The following ZC3H14 variants were observed in gnomAD, a reference collection of about 807,000 sequenced individuals.
ZC3H14 encodes zinc finger CCCH-type containing 14.
A neutral mutation model predicts 92.4 loss-of-function variants in ZC3H14; 31 were observed. That is an observed-to-expected ratio of 0.34 (90% CI 0.25 to 0.45). The LOEUF (loss-of-function observed/expected upper bound fraction) is 0.45. Among genes scored for constraint, ZC3H14 ranks in the 20% least tolerant of loss-of-function variants. ZC3H14 has a pLI of 1.00. For missense variants in ZC3H14, 781 were observed against 897.3 expected, an observed-to-expected ratio of 0.87 and a Z score of 1.66; for synonymous variants, 321 against 300.9, an observed-to-expected ratio of 1.07 and a Z score of -0.69.
At chr14:88,567,816 A>C (rs1384475931) in intron 2 of ZC3H14, 3 of 579,334 alleles carry the variant, frequency 5.2e-6, no homozygotes, top group Non-Finnish European at 6.4e-6. Context: ...CAGAATGTTT[A>C]GTTTTGTAAG....
rs748726565 is a variant in ZC3H14, at chr14:88,624,992, C to G, written c.*13241C>G. The G allele has an allele frequency of 6.2e-7, 1 of 1,613,512 alleles. No individual in the cohort carries two copies. The highest frequency in any genetic ancestry group is 1.3e-5 in the African/African-American group (1 of 74,902). ...CACGGCCTTTCCTTTCCCCCAGTCA[C>G]GATAAGTCCATCTCGCAGGGTGGTG... On this transcript the variant is annotated 3_prime_UTR_variant, in exon 17 of 17. Coordinates refer to ENST00000251038, the MANE Select transcript of ZC3H14 (RefSeq NM_024824.5).
In ZC3H14 at chr14:88,623,901, A is replaced by G. The variant is rs2089499184; in HGVS notation, c.*12150A>G. The G allele has an allele frequency of 6.6e-6, 1 of 152,166 alleles. No homozygotes were observed. The highest frequency in any genetic ancestry group is 6.5e-5 in the Admixed American group (1 of 15,274). 9.4% of individuals were successfully genotyped at this position (152,166 alleles called of 1,614,324 possible). A position where few individuals can be genotyped will look rare whatever the true frequency, so the allele number is the denominator to read the frequency against. On this transcript the variant is annotated 3_prime_UTR_variant, in exon 17 of 17. Transcript: ENST00000251038. ...ATTTTATTCCTGGAAGGGCTGAAAA[A>G]TGTATTCCTTCCTTTTCTGCTAGAT... is the stretch of plus-strand genomic sequence containing the variant.
chr14:88,583,631 T>G (rs1464892582), intron 9 of ZC3H14, among the ~76,000 whole-genome samples: 1 of 152,202 alleles, frequency 6.6e-6, no homozygotes, highest in African/African-American at 2.4e-5. Flanking sequence ...TTTTGTCTTT[T>G]AATCCTTTTT....
chr14:88,580,957 A>G (rs2081839963), intron 9 of ZC3H14, among the ~76,000 whole-genome samples: 1 of 152,224 alleles, frequency 6.6e-6, no homozygotes, highest in Admixed American at 6.5e-5. Context: ...ATGTGAGCCA[A>G]GAATTTAATG....
At position 88,610,957 on chromosome 14, in the gene ZC3H14, G is replaced by A. The variant is rs369215626; in HGVS notation, c.2204+17G>A. ...TCAAACCAGGTAAACATTCAAATTC[G>A]TTTTTCTCATGTCAGTTCAAATTCT... On this transcript the variant is annotated intron_variant, in intron 16 of 16. Transcript: ENST00000251038. The A allele has an allele frequency of 1.5e-5, 24 of 1,567,200 alleles. No homozygotes were observed. In the Middle Eastern group the frequency reaches 5.1e-4, roughly 33 times the overall value.
rs772212276 is a variant in ZC3H14, at chr14:88,597,271, C to T, written c.1354+463C>T. Reference sequence around the variant, plus strand: ...AGAGCCACTCTAGTTTGCCTGTCTCCTTTCCTCTCCCCACAGACACACATG... The same window carrying T: ...AGAGCCACTCTAGTTTGCCTGTCTCTTTTCCTCTCCCCACAGACACACATG... On this transcript the variant is annotated intron_variant, in intron 10 of 16. Transcript: ENST00000251038. 9.2e-5 allele frequency among the ~76,000 whole-genome samples: 14 copies of T among 152,288 alleles called. No homozygotes were observed. In the East Asian group the frequency reaches 2.3e-3, roughly 25 times the overall value.
chr14:88,609,461 A>C, intron 14 of ZC3H14, 58 bp downstream of exon 14: 1 of 1,610,102 alleles, frequency 6.2e-7, no homozygotes, highest in Non-Finnish European at 8.5e-7. Context: ...GCATTTTGTG[A>C]CTGTAAATGG....
chr14:88,587,247 C>T (rs1285259640), intron 9 of ZC3H14, among the ~76,000 whole-genome samples: 1 of 151,748 alleles, frequency 6.6e-6, no homozygotes, highest in East Asian at 1.9e-4. Flanking sequence ...ACTGCAACCT[C>T]TGCCTCCTGG....
At position 88,618,634 on chromosome 14, in the gene ZC3H14, A is replaced by G. The variant is rs992763832; in HGVS notation, c.*6883A>G. The stretch of plus-strand genomic sequence containing the variant: ...AGAAGAACTTGCCACCTGGGTATAC[A>G]GTATTGGTACTGTACCTGGAGATAA... On this transcript the variant is annotated 3_prime_UTR_variant, in exon 17 of 17. Transcript: ENST00000251038. The G allele has an allele frequency of 1.9e-6, 3 of 1,598,140 alleles. No individual in the cohort carries two copies. The highest frequency in any genetic ancestry group is 1.8e-5 in the Admixed American group (1 of 56,832).
intron 12 of ZC3H14, among the ~76,000 whole-genome samples, chr14:88,605,707 G>A (rs897793053): frequency 6.6e-6 from 1 of 152,184 alleles, no homozygotes; most frequent in Non-Finnish European, 1.5e-5. Context: ...AGTCATAATT[G>A]CTCTTTGATG....
intron 9 of ZC3H14, among the ~76,000 whole-genome samples, chr14:88,578,836 T>G (rs1255498709): frequency 7.4e-6 from 1 of 135,274 alleles, no homozygotes; most frequent in African/African-American, 2.7e-5. Flanking sequence ...CCCCAATTCC[T>G]ATACAATCTT....
In ZC3H14 at chr14:88,563,631, G is replaced by A; in HGVS notation, c.37-20G>A. 6.2e-7 allele frequency: 1 copy of A among 1,613,948 alleles called. No individual in the cohort carries two copies. Among genetic ancestry groups the A allele is most frequent in the African/African-American group, 1.3e-5 (1 of 75,062 alleles). ...CTAGAGCCGCCTTTCTCACATGCAC[G>A]TTTGCTCTTTTTCTCTCAGAGTGCC... is the stretch of plus-strand genomic sequence containing the variant. On this transcript the variant is annotated intron_variant, in intron 1 of 16. Coordinates refer to ENST00000251038, the MANE Select transcript of ZC3H14 (RefSeq NM_024824.5).
At chr14:88,583,159 G>T (rs563639882) in intron 9 of ZC3H14, among the ~76,000 whole-genome samples, 1 of 147,374 alleles carries the variant, frequency 6.8e-6, no homozygotes, top group Non-Finnish European at 1.5e-5. Context: ...TAAGAGGCGA[G>T]GTCTCACTGT....
chr14:88,602,696 C>A (rs1249229209), intron 11 of ZC3H14, 132 bp from the exon 12 acceptor site: 4 of 923,722 alleles, frequency 4.3e-6, no homozygotes, highest in East Asian at 2.6e-5. Flanking sequence ...ACCTGGTAGC[C>A]CTACCTAGTC....
At chr14:88,606,812 A>G (rs2085489578) in intron 12 of ZC3H14, among the ~76,000 whole-genome samples, 1 of 151,218 alleles carries the variant, frequency 6.6e-6, no homozygotes, top group African/African-American at 2.4e-5. Context: ...CTTACAGCTC[A>G]GCAGGTGGGA....
In ZC3H14 at chr14:88,575,857, C is replaced by T; in HGVS notation, c.1040C>T (p.Ser347Phe). The change falls in exon 8 of 17, where the codon TCT becomes TTT. Residue 347 changes from serine (S) to phenylalanine (F), a missense_variant. Around this residue, in one of 3 missense-constraint regions of ZC3H14, gnomAD observed 454 missense variants for 438.5 expected, o/e 1.04. Coordinates refer to ENST00000251038, the MANE Select transcript of ZC3H14 (RefSeq NM_024824.5). Reference protein sequence around the residue: ...KPERRPSLPPSKQANKNLILK... With the variant: ...KPERRPSLPPFKQANKNLILK... ...TCTTTTAGACCTTCTCTTCCACCTTCTAAACAAGCTAACAAGAATCTGATT... is the reference window on the plus strand; with the variant it reads ...TCTTTTAGACCTTCTCTTCCACCTTTTAAACAAGCTAACAAGAATCTGATT... 1 of 1,613,692 alleles carries T rather than the reference C, an allele frequency of 6.2e-7. No individual in the cohort carries two copies. The highest frequency in any genetic ancestry group is 8.5e-7 in the Non-Finnish European group (1 of 1,179,840).
At chr14:88,597,236 C>T (rs748275346) in intron 10 of ZC3H14, among the ~76,000 whole-genome samples, 2 of 152,108 alleles carry the variant, frequency 1.3e-5, no homozygotes, top group South Asian at 4.1e-4. Context: ...ACTTGTTGTT[C>T]TAGTGTTCTA....
intron 9 of ZC3H14, chr14:88,589,559 G>T (rs1007271956): frequency 6.6e-6 from 1 of 152,130 alleles, no homozygotes; most frequent in Non-Finnish European, 1.5e-5. Flanking sequence ...TCTTGGAGGT[G>T]TAATAAATCA....
rs923151700 is a variant in ZC3H14, at chr14:88,620,205, A to C, written c.*8454A>C. ...AGCTTTTGACAGACCTAGATTCAAT[A>C]ATCTTATCTACTGATCACACGGAAG... is the stretch of plus-strand genomic sequence containing the variant. On this transcript the variant is annotated 3_prime_UTR_variant, in exon 17 of 17. Transcript: ENST00000251038. The surrounding 1 kb of genome is among the most constrained non-coding windows in gnomAD (Gnocchi z 4.3). The C allele has an allele frequency of 6.6e-6, 1 of 152,254 alleles. No homozygotes were observed. Among genetic ancestry groups the C allele is most frequent in the Non-Finnish European group, 1.5e-5 (1 of 68,050 alleles). 9.4% of individuals were successfully genotyped at this position (152,254 alleles called of 1,614,324 possible). A position where few individuals can be genotyped will look rare whatever the true frequency, so the allele number is the denominator to read the frequency against.
Sources: gnomAD v4.1 joint callset for allele counts (sites outside exome capture counted in the v4.1 genomes callset) on GRCh38, gnomAD v4.1.1 for gene constraint, gnomAD v4.1.1 regional missense constraint, Gnocchi (gnomAD v3.1) non-coding constraint, MANE v1.5 for transcripts, NCBI Gene and HGNC (gene_info 2026-07-23, HGNC 2026-07-21) for gene names.